Variants in MSL3B observed in about 807,000 individuals in gnomAD.
MSL3B encodes MSL complex subunit 3 pseudogene 1.
At chr2:233,867,163 A>G in the MSL3B span, 1 of 792,994 alleles carries the variant, frequency 1.3e-6, no homozygotes, top group South Asian at 1.3e-5. Context: ...TCAGAACTTC[A>G]GGGATTTCTA....
the MSL3B span, chr2:233,866,249 T>G: frequency 1.4e-6 from 1 of 712,356 alleles, no homozygotes; most frequent in African/African-American, 1.7e-5. Context: ...GAGATCAAAG[T>G]GCTTCAATAA....
At chr2:233,867,789 AT>A in the MSL3B span, among the ~76,000 whole-genome samples, 419 of 72,810 alleles carry the variant, frequency 5.8e-3, 2 homozygotes, top group African/African-American at 0.015. Flanking sequence ...CTAATCTACG[AT>A]TTTTTTTTTT....
the MSL3B span, chr2:233,868,254 G>C: frequency 2.6e-6 from 1 of 378,776 alleles, no homozygotes; most frequent in Non-Finnish European, 5.5e-6. Context: ...CGTCCGACGG[G>C]AGCGTCCCAC....
chr2:233,867,691 G>A, the MSL3B span, among the ~76,000 whole-genome samples: 6,132 of 149,888 alleles, frequency 0.041, 416 homozygotes, highest in African/African-American at 0.14. Context: ...TTGGCCAGGC[G>A]GGTCTCAAAC....
the MSL3B span, chr2:233,867,031 T>A: frequency 1.6e-6 from 2 of 1,256,218 alleles, no homozygotes; most frequent in South Asian, 2.4e-5. Context: ...CTGAAAAGGC[T>A]GCACTGATAG....
the MSL3B span, among the ~76,000 whole-genome samples, chr2:233,865,220 C>T: frequency 6.6e-6 from 1 of 152,134 alleles, no homozygotes; most frequent in Non-Finnish European, 1.5e-5. Context: ...GCATAGTGTG[C>T]AATAAATATG....
chr2:233,867,804 T>TC, the MSL3B span, among the ~76,000 whole-genome samples: 2 of 128,702 alleles, frequency 1.6e-5, no homozygotes, highest in Non-Finnish European at 3.6e-5. Context: ...TTTTTTTTTT[T>TC]TTTTTTGAGA....
the MSL3B span, chr2:233,866,995 G>GTGAT: frequency 3.8e-6 from 5 of 1,302,606 alleles, no homozygotes; most frequent in African/African-American, 4.3e-5. Context: ...GTGGCATAGC[G>GTGAT]TGATGGTGAC....
the MSL3B span, chr2:233,865,296 A>C: frequency 6.6e-6 from 1 of 152,170 alleles, no homozygotes; most frequent in African/African-American, 2.4e-5. Context: ...CTACTTTTTC[A>C]GGGGGAGCCA....
At chr2:233,867,607 C>G in the MSL3B span, among the ~76,000 whole-genome samples, 1 of 151,688 alleles carries the variant, frequency 6.6e-6, no homozygotes, top group East Asian at 1.9e-4. Context: ...TCCAGAGTAG[C>G]TGGGATTATA....
the MSL3B span, among the ~76,000 whole-genome samples, chr2:233,865,182 G>A: frequency 6.6e-6 from 1 of 152,284 alleles, no homozygotes; most frequent in African/African-American, 2.4e-5. Flanking sequence ...TAAATCTTAT[G>A]TGGTCTAAAA....
chr2:233,865,956 A>G, the MSL3B span: 14 of 351,714 alleles, frequency 4.0e-5, no homozygotes, highest in South Asian at 3.1e-4. Context: ...ATAATTCTAA[A>G]CAGAGTAACT....
chr2:233,867,196 T>C, the MSL3B span: 3 of 777,402 alleles, frequency 3.9e-6, no homozygotes, highest in Non-Finnish European at 7.2e-6. Context: ...TTTCTTCCAT[T>C]TCCCTTTTTG....
At chr2:233,866,188 AG>A in the MSL3B span, 1 of 649,060 alleles carries the variant, frequency 1.5e-6, no homozygotes, top group Non-Finnish European at 3.0e-6. Context: ...CAGCGACGTA[AG>A]CTGACTCTGG....
the MSL3B span, chr2:233,868,033 C>T: frequency 2.2e-5 from 5 of 228,504 alleles, no homozygotes; most frequent in East Asian, 4.6e-4. Context: ...TCGTGATCCA[C>T]CCGCCTCCGC....
the MSL3B span, chr2:233,867,185 C>A: frequency 1.3e-6 from 1 of 781,594 alleles, no homozygotes; most frequent in Non-Finnish European, 2.4e-6. Flanking sequence ...AGTTACTGTT[C>A]TTTCTTCCAT....
At chr2:233,866,158 G>A in the MSL3B span, 1 of 620,098 alleles carries the variant, frequency 1.6e-6, no homozygotes, top group Non-Finnish European at 3.2e-6. Context: ...GGTTCCTGGT[G>A]CTGTAATGCA....
the MSL3B span, chr2:233,866,874 G>A: frequency 4.9e-6 from 7 of 1,442,480 alleles, no homozygotes; most frequent in Non-Finnish European, 6.8e-6. Flanking sequence ...TAGGGATAGA[G>A]TAAAACCAAC....
the MSL3B span, chr2:233,866,480 G>A: frequency 7.8e-7 from 1 of 1,277,752 alleles, no homozygotes; most frequent in South Asian, 1.2e-5. Context: ...TTCCTGGCTA[G>A]GAGTCAGAGT....
Sources: allele counts gnomAD v4.1 joint callset (sites outside exome capture counted in the v4.1 genomes callset), GRCh38; gene constraint gnomAD v4.1.1; transcripts MANE v1.5; gene names NCBI Gene and HGNC (gene_info 2026-07-23, HGNC 2026-07-21).